The following SLC27A2 variants were observed in gnomAD, a reference collection of about 807,000 sequenced individuals.
SLC27A2 encodes the protein long-chain fatty acid transport protein 2.
SLC27A2 carries 54 observed loss-of-function variants against 60.0 expected under a neutral mutation model. The observed-to-expected ratio is 0.90, with a 90% CI of 0.72 to 1.13. SLC27A2 has a LOEUF of 1.13. SLC27A2 is among the 50% of genes most tolerant of loss of function. The probability of loss-of-function intolerance (pLI) is 0.00; values close to 1 mark genes in which losing one functional copy is unlikely to be tolerated. For missense variants in SLC27A2, 739 were observed against 777.6 expected (o/e 0.95, Z 0.59); for synonymous variants, 297 against 297.6 (o/e 1.00, Z 0.02).
chr15:50,211,305 G>C (rs192401101), intron 4 of SLC27A2, among the ~76,000 whole-genome samples: 13 of 152,258 alleles, frequency 8.5e-5, no homozygotes, highest in African/African-American at 3.1e-4. Flanking sequence ...CACATCACAG[G>C]ACTCTGTTCA....
chr15:50,203,004 C>T (rs1435544098), intron 3 of SLC27A2, among the ~76,000 whole-genome samples: 1 of 119,318 alleles, frequency 8.4e-6, no homozygotes. Flanking sequence ...ACATAGCAAA[C>T]CTCATCTCTA....
chr15:50,226,896 T>G, intron 6 of SLC27A2, 84 bp from the exon 7 acceptor site: 1 of 1,100,164 alleles, frequency 9.1e-7, no homozygotes, highest in Non-Finnish European at 1.3e-6. Context: ...TGCCAGCAGG[T>G]TGTATGGCAT....
intron 2 of SLC27A2, among the ~76,000 whole-genome samples, chr15:50,201,221 C>G (rs550751424): frequency 6.6e-6 from 1 of 152,192 alleles, no homozygotes; most frequent in East Asian, 1.9e-4. Flanking sequence ...TGGGCTCAAG[C>G]GATCCTCCTG....
chr15:50,235,079 G>C (rs1453246799), intron 9 of SLC27A2, among the ~76,000 whole-genome samples: 3 of 152,046 alleles, frequency 2.0e-5, no homozygotes, highest in Non-Finnish European at 4.4e-5. Flanking sequence ...CCCTTTGGTT[G>C]GTTTAATACT....
intron 8 of SLC27A2, among the ~76,000 whole-genome samples, chr15:50,232,565 C>T (rs140597580): frequency 6.6e-6 from 1 of 152,254 alleles, no homozygotes; most frequent in East Asian, 1.9e-4. Flanking sequence ...GAACTAGTCC[C>T]AAACCACCCT....
intron 3 of SLC27A2, among the ~76,000 whole-genome samples, chr15:50,204,215 A>G (rs1464642353): frequency 6.6e-6 from 1 of 152,220 alleles, no homozygotes; most frequent in Non-Finnish European, 1.5e-5. Context: ...CTGTAATCCC[A>G]GCACTTTGGG....
intron 1 of SLC27A2, among the ~76,000 whole-genome samples, chr15:50,189,347 G>A (rs2044954519): frequency 6.6e-6 from 1 of 151,992 alleles, no homozygotes; most frequent in Non-Finnish European, 1.5e-5. Flanking sequence ...TCTCAGTGCA[G>A]CAAGTAAGCA....
chr15:50,217,389 A>G (rs1475735606), intron 4 of SLC27A2, among the ~76,000 whole-genome samples: 1 of 152,198 alleles, frequency 6.6e-6, no homozygotes, highest in African/African-American at 2.4e-5. Context: ...AGAGGAGAGC[A>G]GGGACGAGGC....
intron 4 of SLC27A2, among the ~76,000 whole-genome samples, chr15:50,216,750 T>A (rs1480816788): frequency 2.1e-5 from 3 of 144,024 alleles, no homozygotes; most frequent in Non-Finnish European, 3.0e-5. Context: ...TGGTTCCATA[T>A]GATATATATA....
At position 50,182,884 on chromosome 15, in the gene SLC27A2, A is replaced by T. The variant is rs574284259; in HGVS notation, c.457A>T (p.Lys153Ter). The T allele has an allele frequency of 1.2e-6, 2 of 1,610,086 alleles. No individual in the cohort carries two copies. Among genetic ancestry groups the T allele is most frequent in the Non-Finnish European group, 8.5e-7 (1 of 1,178,714 alleles). The part of the protein sequence containing the change: ...LLHCFQCCGA[K>*]VLLVSPELQA... ...GCACTGCTTCCAGTGCTGCGGGGCG[A>T]AGGTGCTGCTGGTGTCGCCAGGTGA... Residue 153 changes from lysine to a stop codon, truncating the protein, a stop_gained, in exon 1 of 10, where the codon AAG (lysine) becomes TAG (stop). Coordinates refer to ENST00000267842, the MANE Select transcript of SLC27A2 (RefSeq NM_003645.4). LOFTEE classifies it high-confidence loss of function.
At chr15:50,211,138 A>G (rs1045890752) in intron 4 of SLC27A2, among the ~76,000 whole-genome samples, 1 of 152,174 alleles carries the variant, frequency 6.6e-6, no homozygotes, top group East Asian at 1.9e-4. Context: ...ATTACAGCTG[A>G]TGCTTTCTGG....
rs756251824 is a variant in SLC27A2 at position 50,227,063 on chromosome 15, A to T, written c.1342A>T (p.Lys448Ter). 2.5e-6 allele frequency: 4 copies of T among 1,614,228 alleles called. No individual in the cohort carries two copies. In the Admixed American group the frequency reaches 5.0e-5, roughly 20 times the overall value. ...YAGAKAQTEK[K>*]KLRDVFKKGD... ...TGGAGCAAAGGCTCAGACAGAGAAGAAAAAACTGAGAGATGTCTTTAAGAA... is the reference window on the plus strand; with the variant it reads ...TGGAGCAAAGGCTCAGACAGAGAAGTAAAAACTGAGAGATGTCTTTAAGAA... Residue 448 changes from lysine (K) to a stop codon, truncating the protein, a stop_gained, in exon 7 of 10, where the codon AAA becomes TAA. Coordinates refer to ENST00000267842, the MANE Select transcript of SLC27A2 (RefSeq NM_003645.4). LOFTEE classifies it high-confidence loss of function.
chr15:50,213,927 C>A (rs79661453), intron 4 of SLC27A2, among the ~76,000 whole-genome samples: 1 of 151,678 alleles, frequency 6.6e-6, no homozygotes, highest in Non-Finnish European at 1.5e-5. Context: ...CAAACCAAAC[C>A]CAAACCCAGC....
At chr15:50,184,816 G>A (rs112080928) in intron 1 of SLC27A2, among the ~76,000 whole-genome samples, 9,966 of 152,232 alleles carry the variant, frequency 0.065, 424 homozygotes, top group Middle Eastern at 0.095. Context: ...CAGCCTGGGG[G>A]ACAGAGTGAG....
Position 50,196,074 on chromosome 15 carries a change from AAAAATATATATATATATATATATATATAT to A in SLC27A2, c.479-1424_479-1396del, listed in dbSNP as rs1567428378. Among the ~76,000 whole-genome samples the A allele has an allele frequency of 1.8e-4, 3 of 16,308 alleles. 1 individual carries two copies. The highest frequency in any genetic ancestry group is 6.3e-4 in the African/African-American group (3 of 4,784). 10.7% of individuals were successfully genotyped at this position (16,308 alleles called of 152,430 possible). A position where few individuals can be genotyped will look rare whatever the true frequency, so the allele number is the denominator to read the frequency against. On this transcript the variant is annotated intron_variant, in intron 1 of 9. Coordinates refer to ENST00000267842, the MANE Select transcript of SLC27A2 (RefSeq NM_003645.4). ...GTCTCAAAAAAAAAAAAAAAAAAAA[AAAAATATATATATATATATATATATATAT>A]ATATATATATATATATATATATGTA...
chr15:50,233,747 A>G, intron 8 of SLC27A2, 121 bp from the exon 9 acceptor site: 1 of 820,986 alleles, frequency 1.2e-6, no homozygotes, highest in South Asian at 2.1e-5. Context: ...TTTTTAATAA[A>G]AATTCCAGCT....
chr15:50,191,753 A>G (rs1019062998), intron 1 of SLC27A2, among the ~76,000 whole-genome samples: 1 of 152,246 alleles, frequency 6.6e-6, no homozygotes, highest in African/African-American at 2.4e-5. Context: ...TAGATATTTT[A>G]TGCTTGCATT....
At chr15:50,235,623 CT>C (rs1437873128) in intron 9 of SLC27A2, among the ~76,000 whole-genome samples, 2 of 152,196 alleles carry the variant, frequency 1.3e-5, no homozygotes, top group Non-Finnish European at 2.9e-5. Flanking sequence ...TTACTTGCCC[CT>C]ACCACAAAAA....
intron 4 of SLC27A2, among the ~76,000 whole-genome samples, chr15:50,218,586 G>A (rs1414736661): frequency 6.6e-6 from 1 of 152,016 alleles, no homozygotes; most frequent in Non-Finnish European, 1.5e-5. Flanking sequence ...CAAAGGACTG[G>A]TGCTTTCAAA....
Sources: gnomAD v4.1 joint callset for allele counts (sites outside exome capture counted in the v4.1 genomes callset) on GRCh38, gnomAD v4.1.1 for gene constraint, MANE v1.5 for transcripts, NCBI Gene and HGNC (gene_info 2026-07-23, HGNC 2026-07-21) for gene names.